HTRA1: variants seen among roughly 807,000 people sequenced by gnomAD.
HTRA1 encodes the protein HtrA serine peptidase 1.
HTRA1 carries 26 observed loss-of-function variants against 49.7 expected under a neutral mutation model. That is an observed-to-expected ratio of 0.52 (90% CI 0.38 to 0.73). HTRA1 has a LOEUF of 0.73. Ranked by LOEUF, HTRA1 falls within the 30% of genes least tolerant of loss-of-function variation. The pLI is 0.00. For synonymous variants in HTRA1, 291 were observed against 286.9 expected, an observed-to-expected ratio of 1.01 and a Z score of -0.14; for missense variants, 561 against 667.2, an observed-to-expected ratio of 0.84 and a Z score of 1.75.
At chr10:122,477,159 G>A (rs957882608) in intron 1 of HTRA1, among the ~76,000 whole-genome samples, 1 of 151,884 alleles carries the variant, frequency 6.6e-6, no homozygotes, top group Non-Finnish European at 1.5e-5. Context: ...AGTAGAGACT[G>A]GGTTTCACTG....
intron 1 of HTRA1, among the ~76,000 whole-genome samples, chr10:122,477,745 C>T (rs1312009435): frequency 2.0e-5 from 3 of 152,198 alleles, no homozygotes; most frequent in Non-Finnish European, 4.4e-5. Flanking sequence ...AGGCTGTCTC[C>T]TGCACGGTTA....
At chr10:122,462,503 C>A (rs746794488) in intron 1 of HTRA1, among the ~76,000 whole-genome samples, 11 of 152,286 alleles carry the variant, frequency 7.2e-5, no homozygotes, top group Non-Finnish European at 1.3e-4. Context: ...TGGCGCCTCG[C>A]AGAGCGGCTT....
At chr10:122,512,753 T>C (rs1289891656) in intron 8 of HTRA1, among the ~76,000 whole-genome samples, 1 of 152,180 alleles carries the variant, frequency 6.6e-6, no homozygotes, top group Admixed American at 6.5e-5. Context: ...TTTGGTTACA[T>C]GAGTAAGTTC....
intron 7 of HTRA1, 73 bp from the exon 8 acceptor site, chr10:122,511,897 T>C (rs992733204): frequency 2.9e-6 from 3 of 1,048,332 alleles, no homozygotes; most frequent in Non-Finnish European, 4.5e-6. Context: ...CGGGAACTGG[T>C]GAGAGCTGAG....
intron 7 of HTRA1, among the ~76,000 whole-genome samples, chr10:122,511,444 T>A (rs929734359): frequency 1.3e-5 from 2 of 152,074 alleles, no homozygotes; most frequent in Non-Finnish European, 2.9e-5. Flanking sequence ...ATAATAACAA[T>A]GATGATGGCT....
chr10:122,488,532 A>C (rs922471112), intron 1 of HTRA1, among the ~76,000 whole-genome samples: 3 of 152,214 alleles, frequency 2.0e-5, no homozygotes, highest in African/African-American at 7.2e-5. Flanking sequence ...ATTGCACTCC[A>C]GCCTGGGTGA....
At chr10:122,479,715 G>A (rs2097490161) in intron 1 of HTRA1, among the ~76,000 whole-genome samples, 1 of 152,052 alleles carries the variant, frequency 6.6e-6, no homozygotes, top group African/African-American at 2.4e-5. Context: ...TGGGAGTTGT[G>A]CATTAAGGAG....
At chr10:122,504,385 A>C (rs1484039597) in intron 3 of HTRA1, among the ~76,000 whole-genome samples, 1 of 152,130 alleles carries the variant, frequency 6.6e-6, no homozygotes, top group South Asian at 2.1e-4. Context: ...ATAGGGGATG[A>C]GTGAGATGTG....
rs1554949860 is a variant in HTRA1, at chr10:122,479,788, A to AGATGGAGATGGC, written c.473-9109_473-9108insAGATGGCGATGG. On this transcript the variant is annotated intron_variant, in intron 1 of 8. Transcript: ENST00000368984. ...ATGAGAGGGGATCGTGGGCCCGAGG[A>AGATGGAGATGGC]GATGGCGATGGCTGCGGGGATCCTG... 2.0e-5 allele frequency among the ~76,000 whole-genome samples: 3 copies of AGATGGAGATGGC among 151,542 alleles called. No individual in the cohort carries two copies. The East Asian group carries it at 5.9e-4, about 30-fold the overall frequency.
At chr10:122,512,470 C>T (rs143790902) in intron 8 of HTRA1, among the ~76,000 whole-genome samples, 2 of 152,246 alleles carry the variant, frequency 1.3e-5, no homozygotes, top group Non-Finnish European at 2.9e-5. Flanking sequence ...GACAATTAGG[C>T]CCATACCTGT....
chr10:122,478,602 C>T (rs1297404250), intron 1 of HTRA1, among the ~76,000 whole-genome samples: 2 of 152,002 alleles, frequency 1.3e-5, no homozygotes, highest in African/African-American at 4.8e-5. Flanking sequence ...CCGTGTTAGC[C>T]AGGATGGTCT....
At chr10:122,500,845 G>A (rs777408175) in intron 3 of HTRA1, among the ~76,000 whole-genome samples, 13 of 152,242 alleles carry the variant, frequency 8.5e-5, no homozygotes, top group Middle Eastern at 3.4e-3. Context: ...CCGAGGCTGC[G>A]TGCACAGACC....
chr10:122,486,754 G>A (rs1045349294), intron 1 of HTRA1, among the ~76,000 whole-genome samples: 1 of 152,030 alleles, frequency 6.6e-6, no homozygotes, highest in Non-Finnish European at 1.5e-5. Flanking sequence ...GTGTGTGTGT[G>A]TGTATGCGTC....
Position 122,461,618 on chromosome 10 carries a change from T to A in HTRA1, c.-35T>A. ...CGGCGCCGCTCTCCGGCCCTCGCCC[T>A]GTCCGCCGCCACCGCCGCCGCCGCC... On this transcript the variant is annotated 5_prime_UTR_variant, in exon 1 of 9. Coordinates refer to ENST00000368984, the MANE Select transcript of HTRA1 (RefSeq NM_002775.5). 1 of 1,252,846 alleles carries A rather than the reference T, an allele frequency of 8.0e-7. No homozygotes were observed. Among genetic ancestry groups the A allele is most frequent in the Non-Finnish European group, 1.0e-6 (1 of 967,412 alleles). The allele number at this position is 1,252,846 out of a possible 1,614,324, so 77.6% of individuals were successfully genotyped here.
In HTRA1 at chr10:122,506,745, T is replaced by C. The variant is rs770439837; in HGVS notation, c.832T>C (p.Phe278Leu). The change falls in exon 4 of 9, where the codon TTC becomes CTC. Residue 278 changes from phenylalanine to leucine, a missense_variant. Around this residue, in one of 3 missense-constraint regions of HTRA1, gnomAD observed 271 missense variants for 410.0 expected, o/e 0.66. Transcript: ENST00000368984. This position sits in a 1 kb window ranked among gnomAD's most constrained non-coding sequence, Gnocchi z 5.2. ...GRSSELRPGE[F>L]VVAIGSPFSL... Reference sequence around the variant, plus strand: ...CTCCTCAGAGCTGCGGCCGGGAGAGTTCGTGGTCGCCATCGGAAGCCCGTT... The same window carrying C: ...CTCCTCAGAGCTGCGGCCGGGAGAGCTCGTGGTCGCCATCGGAAGCCCGTT... 1 of 1,613,296 alleles carries C rather than the reference T, an allele frequency of 6.2e-7. No homozygotes were observed. Among genetic ancestry groups the C allele is most frequent in the Non-Finnish European group, 8.5e-7 (1 of 1,179,926 alleles).
chr10:122,491,555 G>A (rs921872570), intron 3 of HTRA1, among the ~76,000 whole-genome samples: 3 of 152,258 alleles, frequency 2.0e-5, no homozygotes, highest in East Asian at 1.9e-4. Context: ...GTAACTTCGT[G>A]TTTGGAATGC....
chr10:122,484,237 G>A (rs141680814), intron 1 of HTRA1, among the ~76,000 whole-genome samples: 9 of 152,302 alleles, frequency 5.9e-5, no homozygotes, highest in South Asian at 2.1e-4. Flanking sequence ...CTACTAGGGC[G>A]TTACTTGGCC....
At chr10:122,479,802 G>A (rs1440555688) in intron 1 of HTRA1, among the ~76,000 whole-genome samples, 2 of 142,128 alleles carry the variant, frequency 1.4e-5, no homozygotes, top group African/African-American at 5.0e-5. Flanking sequence ...GGCGATGGCT[G>A]CGGGGATCCT....
intron 1 of HTRA1, among the ~76,000 whole-genome samples, chr10:122,481,191 C>T (rs1591029551): frequency 6.6e-6 from 1 of 152,270 alleles, no homozygotes; most frequent in East Asian, 1.9e-4. Context: ...TGGCCTGCAC[C>T]AGGGGAACCA....
Sources: allele counts gnomAD v4.1 joint callset (sites outside exome capture counted in the v4.1 genomes callset), GRCh38; gene constraint gnomAD v4.1.1; regional missense constraint gnomAD v4.1.1; non-coding constraint Gnocchi (gnomAD v3.1); transcripts MANE v1.5; gene names NCBI Gene and HGNC (gene_info 2026-07-23, HGNC 2026-07-21).